The following KANK1 variants were observed in gnomAD, a reference collection of about 807,000 sequenced individuals.
The protein encoded by KANK1 is KN motif and ankyrin repeat domains 1, also known as KN motif and ankyrin repeat domain-containing protein 1.
Under a neutral mutation model 106.2 loss-of-function variants are expected in KANK1, and 109 were observed. The observed-to-expected ratio is 1.03, with a 90% CI of 0.88 to 1.20. The LOEUF (loss-of-function observed/expected upper bound fraction) is 1.20. Ranked by LOEUF, KANK1 falls within the 50% of genes most tolerant of loss-of-function variation. The pLI, the probability that KANK1 is intolerant of heterozygous loss-of-function variation, is 0.00. For missense variants in KANK1, 2,399 were observed against 1,710.7 expected (o/e 1.40, Z -7.10); for synonymous variants, 873 against 652.2 (o/e 1.34, Z -5.16).
In KANK1 at chr9:726,725, C is replaced by G. The variant is rs1041032736; in HGVS notation, c.2699-3326C>G. Reference sequence around the variant, plus strand: ...CTATAATCCCAACGCTTTGGGAGGTCAAGGCGGGCAGATTTCCTGAGGTCA... The same window carrying G: ...CTATAATCCCAACGCTTTGGGAGGTGAAGGCGGGCAGATTTCCTGAGGTCA... On this transcript the variant is annotated intron_variant, in intron 3 of 11. Transcript: ENST00000382297. Among the ~76,000 whole-genome samples the G allele has an allele frequency of 1.1e-4, 16 of 151,870 alleles. No homozygotes were observed. In the South Asian group the frequency reaches 1.7e-3, roughly 16 times the overall value.
chr9:615,753 C>G (rs940434316), intron 1 of KANK1, among the ~76,000 whole-genome samples: 8 of 152,308 alleles, frequency 5.3e-5, no homozygotes, highest in East Asian at 1.9e-4. Context: ...TATATATTCT[C>G]TTTGACATTT....
At chr9:523,771 T>G (rs1414478621) in intron 1 of KANK1, among the ~76,000 whole-genome samples, 1 of 151,606 alleles carries the variant, frequency 6.6e-6, no homozygotes, top group Non-Finnish European at 1.5e-5. Context: ...AGTTATAACC[T>G]GTCTTCTCCT....
At chr9:568,501 A>G (rs1198716833) in intron 1 of KANK1, among the ~76,000 whole-genome samples, 1 of 151,998 alleles carries the variant, frequency 6.6e-6, no homozygotes. Flanking sequence ...CCCAGGCTGG[A>G]GTGCAGTGGC....
intron 1 of KANK1, among the ~76,000 whole-genome samples, chr9:617,370 GT>G (rs1033239962): frequency 6.6e-6 from 1 of 152,172 alleles, no homozygotes; most frequent in African/African-American, 2.4e-5. Context: ...GAGGAGGGGG[GT>G]TGTGGCAAAT....
At chr9:580,258 G>T (rs543600885) in intron 1 of KANK1, among the ~76,000 whole-genome samples, 1 of 152,184 alleles carries the variant, frequency 6.6e-6, no homozygotes, top group African/African-American at 2.4e-5. Context: ...GGTCTCGCTG[G>T]CCTCAGGAGT....
intron 3 of KANK1, among the ~76,000 whole-genome samples, chr9:729,523 T>G (rs952558162): frequency 1.1e-4 from 16 of 152,178 alleles, no homozygotes; most frequent in African/African-American, 3.9e-4. Context: ...TCCTGGCACT[T>G]AATGGGATGC....
intron 3 of KANK1, among the ~76,000 whole-genome samples, chr9:721,667 T>A: frequency 6.6e-6 from 1 of 152,350 alleles, no homozygotes; most frequent in South Asian, 2.1e-4. Flanking sequence ...AATTGATTGG[T>A]TCTCAGGGTC....
Position 581,257 on chromosome 9 carries a change from C to T in KANK1, c.-84+76503C>T, listed in dbSNP as rs116517920. On this transcript the variant is annotated intron_variant, in intron 1 of 11. Transcript: ENST00000382297. Reference sequence around the variant, plus strand: ...GGCGGGCTGAAGGGCTCCTCAAGCACGGCCAGAGGGGGCGCCGAGAGCAGG... The same window carrying T: ...GGCGGGCTGAAGGGCTCCTCAAGCATGGCCAGAGGGGGCGCCGAGAGCAGG... Among the ~76,000 whole-genome samples the T allele has an allele frequency of 9.8e-3, 1,494 of 152,286 alleles. 24 individuals carry two copies. The highest frequency in any genetic ancestry group is 0.028 in the African/African-American group (1,163 of 41,562).
chr9:689,435 C>T (rs1819349160), intron 2 of KANK1, among the ~76,000 whole-genome samples: 2 of 152,186 alleles, frequency 1.3e-5, no homozygotes, highest in South Asian at 4.1e-4. Context: ...GCAGGGTGGC[C>T]TCTCCTTGGA....
chr9:559,444 G>A (rs1001346935), intron 1 of KANK1, among the ~76,000 whole-genome samples: 3 of 152,022 alleles, frequency 2.0e-5, no homozygotes, highest in Non-Finnish European at 4.4e-5. Flanking sequence ...TTAGGCTGAG[G>A]GTGGTGACTG....
intron 2 of KANK1, among the ~76,000 whole-genome samples, chr9:697,924 A>G (rs986385897): frequency 6.6e-5 from 10 of 152,144 alleles, no homozygotes; most frequent in African/African-American, 2.4e-4. Flanking sequence ...TTTATCTCAG[A>G]CAGTATGGGT....
chr9:532,144 G>T (rs1312899674), intron 1 of KANK1, among the ~76,000 whole-genome samples: 3 of 152,018 alleles, frequency 2.0e-5, no homozygotes, highest in Non-Finnish European at 2.9e-5. Flanking sequence ...AAGGGGACTT[G>T]GGCCCCACTT....
At chr9:567,645 A>G (rs752402874) in intron 1 of KANK1, among the ~76,000 whole-genome samples, 1 of 152,214 alleles carries the variant, frequency 6.6e-6, no homozygotes, top group Non-Finnish European at 1.5e-5. Context: ...AATGTGCCAT[A>G]TAAATGAAAC....
rs10429625 is a variant in KANK1 at position 734,679 on chromosome 9, G to A, written c.3246-69G>A. ...TGACCCTGTCTCAAAAAAAAAATTA[G>A]ATATTTGGGTTGAAATAAAAATGAT... On this transcript the variant is annotated intron_variant, in intron 6 of 11. Coordinates refer to ENST00000382297, the MANE Select transcript of KANK1 (RefSeq NM_015158.5). 6 of 1,168,416 alleles carry A rather than the reference G, an allele frequency of 5.1e-6. No individual in the cohort carries two copies. The East Asian group carries it at 1.2e-4, about 24-fold the overall frequency. 72.4% of individuals were successfully genotyped at this position (1,168,416 alleles called of 1,614,324 possible). A position where few individuals can be genotyped will look rare whatever the true frequency, so the allele number is the denominator to read the frequency against.
chr9:614,340 T>G (rs2136221293), intron 1 of KANK1, among the ~76,000 whole-genome samples: 1 of 152,344 alleles, frequency 6.6e-6, no homozygotes, highest in Admixed American at 6.5e-5. Context: ...ATTCAGGTAA[T>G]AGGATCTTTT....
chr9:616,327 C>T (rs1347239823), intron 1 of KANK1, among the ~76,000 whole-genome samples: 1 of 152,100 alleles, frequency 6.6e-6, no homozygotes, highest in Non-Finnish European at 1.5e-5. Flanking sequence ...GTGTCTGAAG[C>T]AACTTGGATT....
chr9:677,929 C>T (rs1816726840), intron 2 of KANK1, among the ~76,000 whole-genome samples: 1 of 152,158 alleles, frequency 6.6e-6, no homozygotes, highest in African/African-American at 2.4e-5. Context: ...GTAAGTATAT[C>T]CACCTGCCGG....
At chr9:566,950 G>C (rs1817956960) in intron 1 of KANK1, among the ~76,000 whole-genome samples, 1 of 152,178 alleles carries the variant, frequency 6.6e-6, no homozygotes, top group East Asian at 1.9e-4. Context: ...GAATGGTATT[G>C]CTTAGGTTAT....
intron 3 of KANK1, among the ~76,000 whole-genome samples, chr9:482,225 C>G (rs1042648442): frequency 6.6e-6 from 1 of 152,204 alleles, no homozygotes; most frequent in African/African-American, 2.4e-5. Flanking sequence ...ACCTCTTGGA[C>G]AATCACCCTT....
Sources: gnomAD v4.1 joint callset for allele counts (sites outside exome capture counted in the v4.1 genomes callset) on GRCh38, gnomAD v4.1.1 for gene constraint, MANE v1.5 for transcripts, NCBI Gene and HGNC (gene_info 2026-07-23, HGNC 2026-07-21) for gene names.